The following STAG1 variants were observed in gnomAD, a reference collection of about 807,000 sequenced individuals.
STAG1 encodes STAG1 cohesin complex component.
In STAG1, 26 loss-of-function variants were observed where a neutral mutation model predicts 170.9. The observed-to-expected ratio is 0.15, with a 90% CI of 0.11 to 0.21. The LOEUF is 0.21. Among genes scored for constraint, STAG1 ranks in the 10% least tolerant of loss-of-function variants. The probability of loss-of-function intolerance (pLI) is 1.00; values close to 1 mark genes in which losing one functional copy is unlikely to be tolerated. For synonymous variants in STAG1, 514 were observed against 497.7 expected, an observed-to-expected ratio of 1.03 and a Z score of -0.44; for missense variants, 964 against 1,509.5, an observed-to-expected ratio of 0.64 and a Z score of 5.99.
intron 6 of STAG1, among the ~76,000 whole-genome samples, chr3:136,528,901 G>C (rs1434291935): frequency 6.6e-6 from 1 of 151,964 alleles, no homozygotes; most frequent in East Asian, 1.9e-4. Context: ...CTGCACTCCA[G>C]TCTGTGTGAC....
At chr3:136,615,763 G>A (rs1252960000) in intron 3 of STAG1, among the ~76,000 whole-genome samples, 1 of 141,460 alleles carries the variant, frequency 7.1e-6, no homozygotes, top group Non-Finnish European at 1.5e-5. Flanking sequence ...GGGCAATAGA[G>A]CAAGACTCCA....
At chr3:136,681,602 T>A (rs559169914) in intron 1 of STAG1, among the ~76,000 whole-genome samples, 85 of 152,276 alleles carry the variant, frequency 5.6e-4, no homozygotes, top group Admixed American at 2.2e-3. Flanking sequence ...TACATTTTTT[T>A]AAAAAAGATA....
At chr3:136,516,789 T>C (rs1475668723) in intron 7 of STAG1, among the ~76,000 whole-genome samples, 1 of 152,212 alleles carries the variant, frequency 6.6e-6, no homozygotes, top group Non-Finnish European at 1.5e-5. Flanking sequence ...GCACTCCTAA[T>C]CTCTTTTCTT....
intron 1 of STAG1, among the ~76,000 whole-genome samples, chr3:136,739,105 G>C (rs899813641): frequency 6.6e-6 from 1 of 152,158 alleles, no homozygotes; most frequent in African/African-American, 2.4e-5. Flanking sequence ...ATGCAGAAAT[G>C]AGGCTGAGAG....
At chr3:136,715,643 G>A (rs1483742623) in intron 1 of STAG1, among the ~76,000 whole-genome samples, 1 of 151,720 alleles carries the variant, frequency 6.6e-6, no homozygotes, top group Non-Finnish European at 1.5e-5. Context: ...TTTTTAAGCA[G>A]TATATTTATA....
Position 136,692,977 on chromosome 3 carries a change from A to G in STAG1, c.-84+59218T>C, listed in dbSNP as rs77768436. ...TAGGGAATTTTGGGAGCCAGCAGAGATGTCTTCGGTGTGTGGGACACCGTA... is the reference window on the plus strand; with the variant it reads ...TAGGGAATTTTGGGAGCCAGCAGAGGTGTCTTCGGTGTGTGGGACACCGTA... On this transcript the variant is annotated intron_variant, in intron 1 of 33. Coordinates refer to ENST00000383202, the MANE Select transcript of STAG1 (RefSeq NM_005862.3). Among the ~76,000 whole-genome samples, 1,101 of 152,302 alleles carry G rather than the reference A, an allele frequency of 7.2e-3. 22 individuals carry two copies. Among genetic ancestry groups the G allele is most frequent in the African/African-American group, 0.024 (992 of 41,560 alleles).
At chr3:136,680,851 C>T (rs1942308048) in intron 1 of STAG1, among the ~76,000 whole-genome samples, 1 of 151,440 alleles carries the variant, frequency 6.6e-6, no homozygotes, top group Non-Finnish European at 1.5e-5. Context: ...ACAGTCATTC[C>T]TCAATATCCA....
At chr3:136,506,275 T>C (rs1000388122) in intron 7 of STAG1, among the ~76,000 whole-genome samples, 2 of 152,138 alleles carry the variant, frequency 1.3e-5, no homozygotes, top group Non-Finnish European at 2.9e-5. Context: ...AGTGAAATGA[T>C]GCTGGCTTAG....
intron 22 of STAG1, among the ~76,000 whole-genome samples, chr3:136,378,823 C>T (rs1230199098): frequency 6.6e-6 from 1 of 152,174 alleles, no homozygotes; most frequent in Non-Finnish European, 1.5e-5. Context: ...TCATATTCTT[C>T]TCACTGACTA....
rs192988952 is a variant in STAG1, at chr3:136,465,800, G to A, written c.1206-812C>T. ...ACTAAATACTATTCTAACAAAAACA[G>A]CATAAGGCATTTCAGAATTAACCTA... On this transcript the variant is annotated intron_variant, in intron 12 of 33. Coordinates refer to ENST00000383202, the MANE Select transcript of STAG1 (RefSeq NM_005862.3). Among the ~76,000 whole-genome samples, 15 of 152,040 alleles carry A rather than the reference G, an allele frequency of 9.9e-5. No homozygotes were observed. The East Asian group carries it at 2.7e-3, about 27-fold the overall frequency.
chr3:136,459,497 T>A (rs2089216245), intron 13 of STAG1, among the ~76,000 whole-genome samples: 1 of 152,122 alleles, frequency 6.6e-6, no homozygotes, highest in Admixed American at 6.5e-5. Context: ...AACACTGGAG[T>A]TAAACTGCAT....
At chr3:136,619,941 T>C (rs1258926879) in intron 3 of STAG1, among the ~76,000 whole-genome samples, 2 of 151,720 alleles carry the variant, frequency 1.3e-5, no homozygotes, top group African/African-American at 2.4e-5. Flanking sequence ...CGTGCGTCTG[T>C]AGTCCCAGCT....
intron 13 of STAG1, 84 bp downstream of exon 13, chr3:136,464,797 A>C: frequency 9.0e-7 from 1 of 1,110,408 alleles, no homozygotes; most frequent in South Asian, 1.6e-5. Flanking sequence ...GTGTTCAGTC[A>C]CTATTACTCT....
chr3:136,730,471 C>T (rs577139010), intron 1 of STAG1, among the ~76,000 whole-genome samples: 3 of 152,318 alleles, frequency 2.0e-5, no homozygotes, highest in Non-Finnish European at 2.9e-5. Context: ...AACCTCTCTA[C>T]CTTGCCTGTG....
rs373967831 is a variant in STAG1 at position 136,745,155 on chromosome 3, C to T, written c.-84+7040G>A. Among the ~76,000 whole-genome samples the T allele has an allele frequency of 5.9e-5, 9 of 152,298 alleles. No homozygotes were observed. In the East Asian group the frequency reaches 1.5e-3, roughly 26 times the overall value. On this transcript the variant is annotated intron_variant, in intron 1 of 33. Transcript: ENST00000383202. ...CTAGAAAACAAGTTAAAAGCCATTG[C>T]TATTATGTTTACAGCAAAATTCCAT... is the stretch of plus-strand genomic sequence containing the variant.
intron 2 of STAG1, among the ~76,000 whole-genome samples, chr3:136,629,045 T>C (rs564928125): frequency 6.6e-6 from 1 of 152,278 alleles, no homozygotes; most frequent in East Asian, 1.9e-4. Flanking sequence ...AGCTCCCAGA[T>C]CACCACTGTC....
chr3:136,409,874 T>A (rs910145177), intron 21 of STAG1, among the ~76,000 whole-genome samples: 1 of 152,044 alleles, frequency 6.6e-6, no homozygotes, highest in African/African-American at 2.4e-5. Flanking sequence ...GAGCCCAGGA[T>A]TCCAGACCAG....
In STAG1 at chr3:136,533,068, C is replaced by G. The variant is rs75637443; in HGVS notation, c.471+9051G>C. On this transcript the variant is annotated intron_variant, in intron 6 of 33. Coordinates refer to ENST00000383202, the MANE Select transcript of STAG1 (RefSeq NM_005862.3). ...AGAGCTGATAGCAAATTCAGTAAAG[C>G]GCTTTACATTTTTTCAACATATAAA... Among the ~76,000 whole-genome samples, 620 of 152,144 alleles carry G rather than the reference C, an allele frequency of 4.1e-3. 9 individuals are homozygous for G. The East Asian group carries it at 0.047, about 11-fold the overall frequency.
intron 5 of STAG1, among the ~76,000 whole-genome samples, chr3:136,542,669 TAAAA>T (rs55825292): frequency 1.8e-5 from 2 of 113,112 alleles, no homozygotes; most frequent in East Asian, 2.1e-4. Flanking sequence ...CTGTTTGTAA[TAAAA>T]AAAAAAAAAA....
Sources: allele counts gnomAD v4.1 joint callset (sites outside exome capture counted in the v4.1 genomes callset), GRCh38; gene constraint gnomAD v4.1.1; transcripts MANE v1.5; gene names NCBI Gene and HGNC (gene_info 2026-07-23, HGNC 2026-07-21).